Variants in SMC4 observed in about 807,000 individuals in gnomAD.
The protein encoded by SMC4 is structural maintenance of chromosomes 4.
A neutral mutation model predicts 145.6 loss-of-function variants in SMC4; 87 were observed. The observed-to-expected ratio is 0.60, with a 90% CI of 0.50 to 0.71. The LOEUF (loss-of-function observed/expected upper bound fraction) is 0.71, where lower values mean the gene tolerates loss of function less well. SMC4 is among the 30% of genes least tolerant of loss of function. SMC4 has a pLI of 0.00. For synonymous variants in SMC4, 558 were observed against 500.7 expected, an observed-to-expected ratio of 1.11 and a Z score of -1.53; for missense variants, 1,447 against 1,537.1, an observed-to-expected ratio of 0.94 and a Z score of 0.98.
At position 160,399,674 on chromosome 3, in the gene SMC4, C is replaced by T. The variant is rs1014811808; in HGVS notation, c.-81C>T. On this transcript the variant is annotated 5_prime_UTR_variant, in exon 1 of 24. Transcript: ENST00000357388. ...CATTTTCGAGTGAAGGACCCGGAGCCGAAACACCGGTAGGAGCGGGGAGGT... is the reference window on the plus strand; with the variant it reads ...CATTTTCGAGTGAAGGACCCGGAGCTGAAACACCGGTAGGAGCGGGGAGGT... 6.6e-6 allele frequency: 1 copy of T among 152,654 alleles called. No homozygotes were observed. The highest frequency in any genetic ancestry group is 1.5e-5 in the Non-Finnish European group (1 of 68,060). The allele number at this position is 152,654 out of a possible 1,614,324, so 9.5% of individuals were successfully genotyped here.
At chr3:160,408,600 T>C (rs1040938906) in intron 5 of SMC4, among the ~76,000 whole-genome samples, 1 of 152,390 alleles carries the variant, frequency 6.6e-6, no homozygotes, top group Non-Finnish European at 1.5e-5. Context: ...AACCTTGATA[T>C]GACTTTAAAT....
At chr3:160,430,868 T>G in intron 19 of SMC4, 125 bp downstream of exon 19, 1 of 1,264,256 alleles carries the variant, frequency 7.9e-7, no homozygotes, top group Non-Finnish European at 1.1e-6. Flanking sequence ...AACTATCAAT[T>G]TTTATTTGTA....
chr3:160,419,910 TC>T (rs1716989727), intron 12 of SMC4, among the ~76,000 whole-genome samples: 1 of 152,070 alleles, frequency 6.6e-6, no homozygotes, highest in Non-Finnish European at 1.5e-5. Flanking sequence ...TTCAAGTCCA[TC>T]CTGGGCAATA....
chr3:160,412,229 C>A lies in SMC4; in HGVS notation c.853-97C>A, dbSNP rs541581970. The A allele has an allele frequency of 3.3e-5, 47 of 1,420,290 alleles. No homozygotes were observed. The African/African-American group carries it at 6.5e-4, about 20-fold the overall frequency. 88.0% of individuals were successfully genotyped at this position (1,420,290 alleles called of 1,614,324 possible). A position where few individuals can be genotyped will look rare whatever the true frequency, so the allele number is the denominator to read the frequency against. ...TATCTTAACATTTAAGATGAACATT[C>A]TCCTTATTAACTGTTTTTATCTAAT... is the stretch of plus-strand genomic sequence containing the variant. On this transcript the variant is annotated intron_variant, in intron 6 of 23. Transcript: ENST00000357388.
At chr3:160,431,570 A>G in intron 20 of SMC4, 73 bp from the exon 21 acceptor site, 2 of 1,161,364 alleles carry the variant, frequency 1.7e-6, no homozygotes, top group South Asian at 1.6e-5. Context: ...GTAATTTGTC[A>G]TATTTTTTTT....
chr3:160,412,201 TTA>T, intron 6 of SMC4, 117 bp downstream of exon 6: 2 of 1,420,946 alleles, frequency 1.4e-6, no homozygotes, highest in Non-Finnish European at 1.9e-6. Context: ...ATATTGAAAT[TTA>T]TATCTTAACA....
At chr3:160,405,869 A>C (rs1164897342) in intron 5 of SMC4, among the ~76,000 whole-genome samples, 1 of 152,000 alleles carries the variant, frequency 6.6e-6, no homozygotes, top group Non-Finnish European at 1.5e-5. Flanking sequence ...TATAATACTA[A>C]ATTTGATGAT....
At chr3:160,414,666 C>A (rs537122568) in intron 9 of SMC4, 149 bp downstream of exon 9, 92 of 830,706 alleles carry the variant, frequency 1.1e-4, no homozygotes, top group Non-Finnish European at 1.2e-4. Flanking sequence ...TTTACCCCCT[C>A]AAGGGAAACC....
intron 19 of SMC4, 97 bp from the exon 20 acceptor site, chr3:160,430,933 AGG>A: frequency 7.8e-7 from 1 of 1,283,180 alleles, no homozygotes; most frequent in South Asian, 1.4e-5. Flanking sequence ...TTAAAATGGA[AGG>A]GGCATGAGGA....
intron 23 of SMC4, 116 bp downstream of exon 23, chr3:160,433,325 A>G: frequency 1.4e-6 from 1 of 693,264 alleles, no homozygotes; most frequent in Non-Finnish European, 2.4e-6. Context: ...TAATAACTCC[A>G]TCTCCATCTC....
Position 160,431,682 on chromosome 3 carries a change from A to T in SMC4, c.3154A>T (p.Ile1052Phe). Residue 1052 changes from isoleucine (I) to phenylalanine (F), a missense_variant, in exon 21 of 24, where the codon ATT becomes TTT. Coordinates refer to ENST00000357388, the MANE Select transcript of SMC4 (RefSeq NM_001002800.3). Reference sequence around the variant, plus strand: ...ACTGCATCCTATAGAAGATAATCCTATTGAAGAGATTTCGGTTCTAAGCCC... The same window carrying T: ...ACTGCATCCTATAGAAGATAATCCTTTTGAAGAGATTTCGGTTCTAAGCCC... The part of the protein sequence containing the change: ...ISLHPIEDNP[I>F]EEISVLSPED... 1 of 1,609,936 alleles carries T rather than the reference A, an allele frequency of 6.2e-7. No individual in the cohort carries two copies. The highest frequency in any genetic ancestry group is 8.5e-7 in the Non-Finnish European group (1 of 1,179,098).
intron 4 of SMC4, among the ~76,000 whole-genome samples, chr3:160,403,325 AC>A (rs1186698106): frequency 6.6e-6 from 1 of 152,098 alleles, no homozygotes; most frequent in Non-Finnish European, 1.5e-5. Flanking sequence ...CTTCAGTTTG[AC>A]TACTGCTGTA....
chr3:160,431,007 T>C (rs1718344045), intron 19 of SMC4, 25 bp from the exon 20 acceptor site: 1 of 1,578,640 alleles, frequency 6.3e-7, no homozygotes, highest in African/African-American at 1.4e-5. Flanking sequence ...GAAAATTCTA[T>C]CTAGCAGTTC....
intron 12 of SMC4, 25 bp downstream of exon 12, chr3:160,419,568 G>A (rs1716949907): frequency 6.4e-7 from 1 of 1,555,162 alleles, no homozygotes; most frequent in Non-Finnish European, 8.6e-7. Flanking sequence ...TGGGGGGCAT[G>A]GCTTTACTTT....
chr3:160,415,676 A>G lies in SMC4; in HGVS notation c.1273-575A>G, dbSNP rs547648223. ...GATAATCAGAGTAAACAAAATAACA[A>G]GGCTTTGGGGGTAACCCCAAAGACT... On this transcript the variant is annotated intron_variant, in intron 9 of 23. Coordinates refer to ENST00000357388, the MANE Select transcript of SMC4 (RefSeq NM_001002800.3). Among the ~76,000 whole-genome samples, 8 of 152,370 alleles carry G rather than the reference A, an allele frequency of 5.3e-5. No homozygotes were observed. In the South Asian group the frequency reaches 1.4e-3, roughly 28 times the overall value.
At chr3:160,429,337 A>G (rs1718125414) in intron 18 of SMC4, among the ~76,000 whole-genome samples, 2 of 152,112 alleles carry the variant, frequency 1.3e-5, no homozygotes, top group African/African-American at 4.8e-5. Context: ...GGTAACTTAC[A>G]TTTTAGTTTT....
intron 5 of SMC4, among the ~76,000 whole-genome samples, chr3:160,407,638 A>G (rs1339460823): frequency 3.3e-5 from 5 of 151,534 alleles, no homozygotes; most frequent in Non-Finnish European, 7.4e-5. Context: ...GTTGTTGCCT[A>G]GCCATCTGTT....
Position 160,424,911 on chromosome 3 carries a change from A to T in SMC4, c.2370A>T (p.Ala790=). The part of the protein sequence containing the change: ...ESQLQNDSKK[A]MQIQEQKVQL... ...AGTTGCAAAACGACTCTAAAAAAGC[A>T]ATGCAAATCCAAGAACAGAAAGTAC... Residue 790 remains alanine, a synonymous_variant, in exon 16 of 24, where the codon GCA becomes GCT. Transcript: ENST00000357388. 6.2e-7 allele frequency: 1 copy of T among 1,614,146 alleles called. No individual in the cohort carries two copies. The highest frequency in any genetic ancestry group is 2.2e-5 in the East Asian group (1 of 44,884).
chr3:160,410,273 A>G lies in SMC4; in HGVS notation c.688-1647A>G, dbSNP rs368467880. On this transcript the variant is annotated intron_variant, in intron 5 of 23. Coordinates refer to ENST00000357388, the MANE Select transcript of SMC4 (RefSeq NM_001002800.3). ...AGAAATGCTATTAAAGCATCTTATA[A>G]TGCCCAGCATAGCTCTCCACAACAA... Among the ~76,000 whole-genome samples the G allele has an allele frequency of 2.0e-5, 3 of 152,184 alleles. No homozygotes were observed. In the East Asian group the frequency reaches 5.8e-4, roughly 29 times the overall value.
Sources: allele counts gnomAD v4.1 joint callset (sites outside exome capture counted in the v4.1 genomes callset), GRCh38; gene constraint gnomAD v4.1.1; transcripts MANE v1.5; gene names NCBI Gene and HGNC (gene_info 2026-07-23, HGNC 2026-07-21).